Variants in NRG1 observed in about 807,000 individuals in gnomAD.
The protein encoded by NRG1 is neuregulin 1.
Under a neutral mutation model 63.8 loss-of-function variants are expected in NRG1, and 18 were observed. That is an observed-to-expected ratio of 0.28 (90% confidence interval 0.19 to 0.42). NRG1 has a LOEUF of 0.42. Ranked by LOEUF, NRG1 falls within the 10% of genes least tolerant of loss-of-function variation. The probability of loss-of-function intolerance (pLI) is 1.00; values close to 1 mark genes in which losing one functional copy is unlikely to be tolerated. For missense variants in NRG1, 762 were observed against 814.7 expected (o/e 0.94, Z 0.79); for synonymous variants, 302 against 301.3 (o/e 1.00, Z -0.02).
chr8:32,231,762 T>G (rs1846971304), intron 1 of NRG1, among the ~76,000 whole-genome samples: 1 of 151,532 alleles, frequency 6.6e-6, no homozygotes, highest in Middle Eastern at 3.4e-3. Context: ...ATTAGCTGAG[T>G]GTGGTGGCAT....
At chr8:31,824,441 C>T (rs1824335508) in intron 1 of NRG1, among the ~76,000 whole-genome samples, 1 of 152,096 alleles carries the variant, frequency 6.6e-6, no homozygotes. Context: ...AATAAACATA[C>T]TGAAAATAGC....
intron 3 of NRG1, among the ~76,000 whole-genome samples, chr8:32,608,106 T>G (rs1247024920): frequency 2.4e-5 from 3 of 126,040 alleles, no homozygotes; most frequent in South Asian, 2.3e-4. Context: ...TTTTTTTTTT[T>G]GTTTTTTTTT....
intron 5 of NRG1, among the ~76,000 whole-genome samples, chr8:32,683,322 T>C (rs942259055): frequency 3.9e-5 from 6 of 152,148 alleles, no homozygotes; most frequent in Non-Finnish European, 8.8e-5. Flanking sequence ...TCAGGGAGGC[T>C]CAGCACTGCA....
At chr8:31,773,269 T>TCAA (rs2131581104) in intron 1 of NRG1, among the ~76,000 whole-genome samples, 1 of 152,324 alleles carries the variant, frequency 6.6e-6, no homozygotes, top group South Asian at 2.1e-4. Flanking sequence ...ATGTGCTTGA[T>TCAA]GCACTGTCAT....
chr8:32,392,772 G>A (rs1429340688), intron 1 of NRG1, among the ~76,000 whole-genome samples: 1 of 152,104 alleles, frequency 6.6e-6, no homozygotes, highest in Non-Finnish European at 1.5e-5. Flanking sequence ...ATTTGGGAGT[G>A]ATAAAATGAG....
chr8:32,308,780 A>G (rs558457512), intron 1 of NRG1, among the ~76,000 whole-genome samples: 6 of 152,292 alleles, frequency 3.9e-5, no homozygotes, highest in African/African-American at 1.4e-4. Flanking sequence ...AAAAAGGGGG[A>G]AAATTGGTGC....
intron 1 of NRG1, among the ~76,000 whole-genome samples, chr8:31,877,939 C>T (rs902610852): frequency 1.3e-5 from 2 of 152,138 alleles, no homozygotes; most frequent in Admixed American, 6.5e-5. Flanking sequence ...TTACTTAAAT[C>T]GCAGAGTACT....
At chr8:32,741,586 A>G (rs1826315801) in intron 6 of NRG1, among the ~76,000 whole-genome samples, 1 of 152,220 alleles carries the variant, frequency 6.6e-6, no homozygotes, top group African/African-American at 2.4e-5. Flanking sequence ...TGAAATAAGT[A>G]TATAAAAGAA....
chr8:32,455,681 A>G (rs910275535), intron 1 of NRG1, among the ~76,000 whole-genome samples: 4 of 152,250 alleles, frequency 2.6e-5, no homozygotes, highest in Non-Finnish European at 5.9e-5. Context: ...AATTAGGTTT[A>G]ATGACCAAAT....
chr8:32,179,517 G>A (rs944821097), intron 1 of NRG1, among the ~76,000 whole-genome samples: 9 of 152,202 alleles, frequency 5.9e-5, no homozygotes, highest in Admixed American at 1.3e-4. Flanking sequence ...AGCATTTGAT[G>A]TCATGTCCAT....
intron 1 of NRG1, among the ~76,000 whole-genome samples, chr8:32,447,081 TCA>T (rs1820352046): frequency 6.6e-6 from 1 of 151,792 alleles, no homozygotes; most frequent in Admixed American, 6.6e-5. Context: ...TGGCGCAGTC[TCA>T]GCTCACTGCA....
At chr8:32,136,675 A>T (rs1317289695) in intron 1 of NRG1, 1 of 152,190 alleles carries the variant, frequency 6.6e-6, no homozygotes, top group Non-Finnish European at 1.5e-5. Context: ...TTCTTCACTG[A>T]CAATGGCACC....
intron 1 of NRG1, among the ~76,000 whole-genome samples, chr8:31,887,788 G>A (rs1830837241): frequency 6.6e-6 from 1 of 152,090 alleles, no homozygotes; most frequent in East Asian, 1.9e-4. Flanking sequence ...TCTACAACTC[G>A]ACTGGGGATA....
At chr8:32,731,003 G>A (rs1823517067) in intron 6 of NRG1, among the ~76,000 whole-genome samples, 1 of 152,046 alleles carries the variant, frequency 6.6e-6, no homozygotes. Flanking sequence ...TTTAATTATA[G>A]TAATGAAATA....
At chr8:31,806,020 A>G (rs1822248438) in intron 1 of NRG1, among the ~76,000 whole-genome samples, 1 of 152,146 alleles carries the variant, frequency 6.6e-6, no homozygotes, top group African/African-American at 2.4e-5. Flanking sequence ...TTTAATAAAG[A>G]CACATAACCA....
At chr8:32,715,622 G>A (rs1818982915) in intron 5 of NRG1, among the ~76,000 whole-genome samples, 2 of 142,220 alleles carry the variant, frequency 1.4e-5, no homozygotes, top group Non-Finnish European at 3.0e-5. Context: ...TAAGGGAAAA[G>A]CCATGAATAA....
intron 1 of NRG1, among the ~76,000 whole-genome samples, chr8:32,244,206 C>G (rs1427002536): frequency 6.6e-6 from 1 of 152,130 alleles, no homozygotes; most frequent in African/African-American, 2.4e-5. Flanking sequence ...AAAACGTAGA[C>G]TTGCTATCTT....
chr8:31,836,428 C>G (rs34566719), intron 1 of NRG1, among the ~76,000 whole-genome samples: 7,812 of 152,132 alleles, frequency 0.051, 296 homozygotes, highest in Non-Finnish European at 0.08. Context: ...TGTTATTTAG[C>G]CATTGATTCC....
At chr8:32,729,330 T>C (rs1445230631) in intron 6 of NRG1, among the ~76,000 whole-genome samples, 3 of 152,206 alleles carry the variant, frequency 2.0e-5, no homozygotes, top group Non-Finnish European at 4.4e-5. Flanking sequence ...AAAATACACC[T>C]TTGTTTTCCT....
Sources: gnomAD v4.1 joint callset for allele counts (sites outside exome capture counted in the v4.1 genomes callset) on GRCh38, gnomAD v4.1.1 for gene constraint, MANE v1.5 for transcripts, NCBI Gene and HGNC (gene_info 2026-07-23, HGNC 2026-07-21) for gene names.